The following IDO2 variants were observed in gnomAD, a reference collection of about 807,000 sequenced individuals.
The protein encoded by IDO2 is indoleamine 2,3-dioxygenase 2.
A neutral mutation model predicts 45.1 loss-of-function variants in IDO2; 46 were observed. The observed-to-expected ratio is 1.02, with a 90% CI of 0.80 to 1.30. The LOEUF is 1.30. Ranked by LOEUF, IDO2 falls within the 50% of genes most tolerant of loss-of-function variation. The probability of loss-of-function intolerance (pLI) is 0.00; values close to 1 mark genes in which losing one functional copy is unlikely to be tolerated. For synonymous variants in IDO2, 218 were observed against 184.9 expected (o/e 1.18, Z -1.45); for missense variants, 544 against 491.8 (o/e 1.11, Z -1.00).
At chr8:39,982,554 C>T (rs1808369879) in intron 4 of IDO2, 98 bp from the exon 5 acceptor site, 1 of 767,392 alleles carries the variant, frequency 1.3e-6, no homozygotes, top group Admixed American at 2.7e-5. Context: ...CAGATCATTT[C>T]TGTACCACAG....
intron 8 of IDO2, among the ~76,000 whole-genome samples, chr8:40,000,672 A>G (rs1469115152): frequency 1.3e-5 from 2 of 152,230 alleles, no homozygotes; most frequent in Admixed American, 1.3e-4. Context: ...AAGCAATGTC[A>G]TTACATATAT....
chr8:39,937,936 A>G (rs1405814597), intron 1 of IDO2, among the ~76,000 whole-genome samples: 1 of 152,232 alleles, frequency 6.6e-6, no homozygotes, highest in Non-Finnish European at 1.5e-5. Context: ...GACCATGCAA[A>G]CAATCTTATT....
chr8:39,991,840 G>C (rs1036715180), intron 8 of IDO2, among the ~76,000 whole-genome samples: 5 of 152,152 alleles, frequency 3.3e-5, no homozygotes, highest in Admixed American at 1.3e-4. Context: ...CAAAGTGCTG[G>C]GATTACAGCC....
chr8:39,988,470 C>T (rs573539234), intron 7 of IDO2, among the ~76,000 whole-genome samples: 3 of 152,322 alleles, frequency 2.0e-5, no homozygotes, highest in Non-Finnish European at 2.9e-5. Context: ...TTCGCTCTGT[C>T]GCTCAGGCCA....
chr8:39,961,320 C>CTTT lies in IDO2; in HGVS notation c.100-2271_100-2269dup, dbSNP rs57577433. ...AGTTATGCTTTCAAATTGTATACTT[C>CTTT]TTTTTTTTTTTTTTTTTTTGAAATG... On this transcript the variant is annotated intron_variant, in intron 2 of 10. Coordinates refer to ENST00000502986, the Ensembl canonical transcript of IDO2. Among the ~76,000 whole-genome samples, 140 of 106,106 alleles carry CTTT rather than the reference C, an allele frequency of 1.3e-3. 5 individuals are homozygous for CTTT. Among genetic ancestry groups the CTTT allele is most frequent in the East Asian group, 6.7e-3 (22 of 3,276 alleles). The allele number at this position is 106,106 out of a possible 152,430, so 69.6% of individuals were successfully genotyped here. A position where few individuals can be genotyped will look rare whatever the true frequency, so the allele number is the denominator to read the frequency against.
intron 1 of IDO2, among the ~76,000 whole-genome samples, chr8:39,941,643 A>C (rs1407212786): frequency 3.9e-5 from 6 of 152,234 alleles, no homozygotes; most frequent in Non-Finnish European, 8.8e-5. Flanking sequence ...ACTAATGGTT[A>C]AGATTAAATA....
chr8:39,997,943 A>C (rs761450979), intron 8 of IDO2: 29 of 221,274 alleles, frequency 1.3e-4, no homozygotes, highest in Non-Finnish European at 2.0e-4. Context: ...GCTGCCCAGC[A>C]GCAGGTATGA....
At chr8:39,947,137 CA>C (rs1269953966) in intron 1 of IDO2, among the ~76,000 whole-genome samples, 1 of 108,416 alleles carries the variant, frequency 9.2e-6, no homozygotes, top group Non-Finnish European at 1.7e-5. Flanking sequence ...GCCTAACCAA[CA>C]GGGGCAAAAC....
At chr8:39,981,301 C>T (rs1310886519) in intron 4 of IDO2, among the ~76,000 whole-genome samples, 3 of 152,102 alleles carry the variant, frequency 2.0e-5, no homozygotes, top group Non-Finnish European at 4.4e-5. Context: ...ACCTCGTGAT[C>T]TGCCCGCCTT....
chr8:39,994,152 T>C (rs1185854669), intron 8 of IDO2, among the ~76,000 whole-genome samples: 1 of 152,214 alleles, frequency 6.6e-6, no homozygotes, highest in Non-Finnish European at 1.5e-5. Flanking sequence ...TTAAAATATT[T>C]ACGTTGATTA....
rs371560346 is a variant in IDO2 at position 39,979,190 on chromosome 8, A to C, written c.315+4A>C. On this transcript the variant is annotated splice_donor_region_variant and intron_variant, in intron 4 of 10. Coordinates refer to ENST00000502986, the Ensembl canonical transcript of IDO2. ...AGGAGAGGCGCAGCCTGCAGAGGTG[A>C]GGGCCAGAGAGCAGCTTCTCCTGTT... 28 of 1,574,674 alleles carry C rather than the reference A, an allele frequency of 1.8e-5. No homozygotes were observed. In the African/African-American group the frequency reaches 2.8e-4, roughly 16 times the overall value.
At chr8:40,009,508 G>T (rs1802279110) in intron 9 of IDO2, among the ~76,000 whole-genome samples, 1 of 150,824 alleles carries the variant, frequency 6.6e-6, no homozygotes, top group African/African-American at 2.4e-5. Context: ...TTGCTAGAAA[G>T]TTGCTACAAG....
At chr8:39,984,281 C>T (rs1047229931) in intron 5 of IDO2, among the ~76,000 whole-genome samples, 4 of 150,232 alleles carry the variant, frequency 2.7e-5, no homozygotes, top group Non-Finnish European at 4.4e-5. Context: ...TTGAGACCAG[C>T]GTGGCCAACA....
At position 39,970,927 on chromosome 8, in the gene IDO2, C is replaced by T. The variant is rs149983730; in HGVS notation, c.195+7224C>T. On this transcript the variant is annotated intron_variant, in intron 3 of 10. Transcript: ENST00000502986. Reference sequence around the variant, plus strand: ...GACTACAGGCACGTGCCACCATGCCCAGCTAATTTTTGCAGTTTTAGTAGA... The same window carrying T: ...GACTACAGGCACGTGCCACCATGCCTAGCTAATTTTTGCAGTTTTAGTAGA... Among the ~76,000 whole-genome samples, 638 of 151,472 alleles carry T rather than the reference C, an allele frequency of 4.2e-3. 2 individuals are homozygous for T. Among genetic ancestry groups the T allele is most frequent in the Non-Finnish European group, 7.7e-3 (525 of 67,836 alleles).
At chr8:39,942,187 G>T (rs79618523) in intron 1 of IDO2, among the ~76,000 whole-genome samples, 2 of 152,158 alleles carry the variant, frequency 1.3e-5, no homozygotes, top group Non-Finnish European at 2.9e-5. Flanking sequence ...TAGGTGCTTC[G>T]CTTATAGTTT....
At chr8:39,937,645 C>T (rs73619535) in intron 1 of IDO2, among the ~76,000 whole-genome samples, 5,154 of 152,008 alleles carry the variant, frequency 0.034, 277 homozygotes, top group African/African-American at 0.12. Flanking sequence ...CTCAACCCCC[C>T]ACGTAGCTAG....
At position 39,973,102 on chromosome 8, in the gene IDO2, T is replaced by C. The variant is rs1221470378; in HGVS notation, c.196-5965T>C. Among the ~76,000 whole-genome samples, 14 of 152,058 alleles carry C rather than the reference T, an allele frequency of 9.2e-5. No homozygotes were observed. The East Asian group carries it at 1.4e-3, about 15-fold the overall frequency. On this transcript the variant is annotated intron_variant, in intron 3 of 10. Transcript: ENST00000502986. ...ATACTGGGGTTGAACAATAAGTAAA[T>C]AGATGATGGATGATGTTTCACTGTG...
At chr8:39,958,381 C>A (rs1281288770) in intron 2 of IDO2, among the ~76,000 whole-genome samples, 1 of 151,780 alleles carries the variant, frequency 6.6e-6, no homozygotes, top group Non-Finnish European at 1.5e-5. Flanking sequence ...TTACAGATGC[C>A]TGCTACCACA....
chr8:39,983,538 T>C (rs1808383277), intron 5 of IDO2, among the ~76,000 whole-genome samples: 1 of 152,128 alleles, frequency 6.6e-6, no homozygotes, highest in Non-Finnish European at 1.5e-5. Context: ...AAGGGTTACA[T>C]ATTTAGTAGA....
Sources: gnomAD v4.1 joint callset for allele counts (sites outside exome capture counted in the v4.1 genomes callset) on GRCh38, gnomAD v4.1.1 for gene constraint, MANE v1.5 for transcripts, NCBI Gene and HGNC (gene_info 2026-07-23, HGNC 2026-07-21) for gene names.